FHIT: variants seen among roughly 807,000 people sequenced by gnomAD.
The protein encoded by FHIT is bis(5'-adenosyl)-triphosphatase.
Under a neutral mutation model 17.9 loss-of-function variants are expected in FHIT, and 19 were observed. That is an observed-to-expected ratio of 1.06 (90% confidence interval 0.74 to 1.56). FHIT has a LOEUF of 1.56. Ranked by LOEUF, FHIT falls within the 40% of genes most tolerant of loss-of-function variation. The pLI, the probability that FHIT is intolerant of heterozygous loss-of-function variation, is 0.00. For missense variants in FHIT, 248 were observed against 189.2 expected, an observed-to-expected ratio of 1.31 and a Z score of -1.82; for synonymous variants, 81 against 69.7, an observed-to-expected ratio of 1.16 and a Z score of -0.81.
intron 4 of FHIT, among the ~76,000 whole-genome samples, chr3:60,634,824 ATTTGT>A (rs1349852870): frequency 2.0e-5 from 3 of 152,156 alleles, no homozygotes; most frequent in African/African-American, 7.2e-5. Context: ...AGTCACAGGG[ATTTGT>A]TTTAACATGA....
chr3:61,064,148 T>C (rs2034523932), intron 2 of FHIT, among the ~76,000 whole-genome samples: 1 of 152,160 alleles, frequency 6.6e-6, no homozygotes, highest in Non-Finnish European at 1.5e-5. Flanking sequence ...ATGGGATGCA[T>C]GTGTGACTCA....
intron 1 of FHIT, among the ~76,000 whole-genome samples, chr3:61,224,440 G>A (rs534024854): frequency 4.6e-5 from 7 of 152,126 alleles, no homozygotes; most frequent in Admixed American, 1.3e-4. Flanking sequence ...TATTGACATG[G>A]AATCTCATTC....
intron 5 of FHIT, among the ~76,000 whole-genome samples, chr3:60,069,212 C>T (rs80109898): frequency 0.016 from 2,491 of 151,940 alleles, 77 homozygotes; most frequent in African/African-American, 0.057. Context: ...TGAAGATGAA[C>T]GAGGAAGTAG....
chr3:59,767,076 C>A (rs1240061952), intron 8 of FHIT, among the ~76,000 whole-genome samples: 1 of 152,174 alleles, frequency 6.6e-6, no homozygotes, highest in East Asian at 1.9e-4. Context: ...TTTCACATTG[C>A]AAATGGCTAT....
intron 4 of FHIT, among the ~76,000 whole-genome samples, chr3:60,635,943 G>A (rs2107782045): frequency 6.6e-6 from 1 of 152,168 alleles, no homozygotes; most frequent in East Asian, 1.9e-4. Flanking sequence ...ATACACACAG[G>A]CCACAGCTGA....
intron 5 of FHIT, among the ~76,000 whole-genome samples, chr3:60,491,494 A>G (rs1487585481): frequency 2.6e-5 from 4 of 152,208 alleles, no homozygotes; most frequent in Non-Finnish European, 4.4e-5. Flanking sequence ...TGGATTATGA[A>G]AAATGCATAT....
At chr3:60,655,972 G>A (rs2040104454) in intron 4 of FHIT, among the ~76,000 whole-genome samples, 1 of 152,200 alleles carries the variant, frequency 6.6e-6, no homozygotes, top group Non-Finnish European at 1.5e-5. Context: ...ATTTAGAACA[G>A]CCTGGGTAAA....
rs529521573 is a variant in FHIT at position 59,987,092 on chromosome 3, T to C, written c.279+24279A>G. On this transcript the variant is annotated intron_variant, in intron 7 of 9. Coordinates refer to ENST00000492590, the MANE Select transcript of FHIT (RefSeq NM_002012.4). ...TATATATCTATATTATATATAGATATGAAGATATAAAAAATCTATATATTT... is the reference window on the plus strand; with the variant it reads ...TATATATCTATATTATATATAGATACGAAGATATAAAAAATCTATATATTT... Among the ~76,000 whole-genome samples, 5 of 136,054 alleles carry C rather than the reference T, an allele frequency of 3.7e-5. No individual in the cohort carries two copies. In the Admixed American group the frequency reaches 4.0e-4, roughly 11 times the overall value. 89.3% of individuals were successfully genotyped at this position (136,054 alleles called of 152,430 possible).
intron 5 of FHIT, among the ~76,000 whole-genome samples, chr3:60,436,582 A>G (rs563159639): frequency 2.2e-4 from 33 of 151,836 alleles, no homozygotes; most frequent in African/African-American, 6.0e-4. Context: ...GTTTACTTTG[A>G]TATTTCAGCA....
At chr3:59,898,444 G>C (rs964429810) in intron 8 of FHIT, among the ~76,000 whole-genome samples, 1 of 101,432 alleles carries the variant, frequency 9.9e-6, no homozygotes, top group Admixed American at 8.8e-5. Flanking sequence ...GTGTATGTTT[G>C]TGTGTGTGTG....
chr3:59,923,245 A>G (rs1705498587), intron 7 of FHIT, among the ~76,000 whole-genome samples: 1 of 150,816 alleles, frequency 6.6e-6, no homozygotes, highest in Non-Finnish European at 1.5e-5. Flanking sequence ...AAAAAAAAAA[A>G]AAAAAAATCC....
intron 3 of FHIT, among the ~76,000 whole-genome samples, chr3:60,983,149 G>T (rs1382780254): frequency 1.3e-5 from 2 of 151,980 alleles, no homozygotes; most frequent in African/African-American, 4.8e-5. Flanking sequence ...GTGTGTGTGT[G>T]TGTGTGTGTG....
intron 5 of FHIT, among the ~76,000 whole-genome samples, chr3:60,082,817 G>A (rs1288143887): frequency 6.6e-6 from 1 of 151,950 alleles, no homozygotes; most frequent in African/African-American, 2.4e-5. Flanking sequence ...TTTGTAATAG[G>A]GCTGTTTTTT....
At chr3:59,876,192 C>T (rs931523802) in intron 8 of FHIT, among the ~76,000 whole-genome samples, 2 of 151,252 alleles carry the variant, frequency 1.3e-5, no homozygotes, top group Non-Finnish European at 3.0e-5. Context: ...TATCTTACCA[C>T]AAATATATAT....
chr3:60,382,780 A>G (rs1700861166), intron 5 of FHIT, among the ~76,000 whole-genome samples: 1 of 152,192 alleles, frequency 6.6e-6, no homozygotes, highest in East Asian at 1.9e-4. Context: ...CAACATATCA[A>G]ATGCAGCATC....
intron 4 of FHIT, chr3:60,765,695 G>C (rs1165584528): frequency 1.3e-5 from 2 of 152,246 alleles, no homozygotes; most frequent in African/African-American, 2.4e-5. Context: ...TATTGTTTCT[G>C]GGTGTGTCTG....
intron 8 of FHIT, among the ~76,000 whole-genome samples, chr3:59,825,403 T>G (rs1700941927): frequency 6.6e-6 from 1 of 152,222 alleles, no homozygotes; most frequent in South Asian, 2.1e-4. Context: ...AATTTCAATT[T>G]CTAGAGGGAT....
chr3:60,501,240 A>T (rs2034513028), intron 5 of FHIT, among the ~76,000 whole-genome samples: 1 of 152,318 alleles, frequency 6.6e-6, no homozygotes, highest in East Asian at 1.9e-4. Context: ...AAGGAGCCAG[A>T]TTTCAATATA....
At chr3:59,782,913 G>A (rs1017063086) in intron 8 of FHIT, among the ~76,000 whole-genome samples, 3 of 152,114 alleles carry the variant, frequency 2.0e-5, no homozygotes, top group African/African-American at 7.2e-5. Context: ...GAAGATTGCT[G>A]GAATTTCAAC....
Sources: gnomAD v4.1 joint callset for allele counts (sites outside exome capture counted in the v4.1 genomes callset) on GRCh38, gnomAD v4.1.1 for gene constraint, MANE v1.5 for transcripts, NCBI Gene and HGNC (gene_info 2026-07-23, HGNC 2026-07-21) for gene names.